SPINK5: variants seen among roughly 807,000 people sequenced by gnomAD.
SPINK5 encodes the protein serine peptidase inhibitor Kazal type 5.
A neutral mutation model predicts 151.8 loss-of-function variants in SPINK5; 125 were observed. The observed-to-expected ratio is 0.82, with a 90% CI of 0.71 to 0.96. The LOEUF is 0.96. SPINK5 is among the 40% of genes least tolerant of loss of function. The pLI is 0.00. For synonymous variants in SPINK5, 374 were observed against 395.3 expected (o/e 0.95, Z 0.64); for missense variants, 1,194 against 1,291.9 (o/e 0.92, Z 1.16).
At chr5:148,104,768 T>C (rs1477699264) in intron 15 of SPINK5, among the ~76,000 whole-genome samples, 184 bp from the exon 16 acceptor site, 1 of 152,068 alleles carries the variant, frequency 6.6e-6, no homozygotes, top group African/African-American at 2.4e-5. Flanking sequence ...TGGTGGCATG[T>C]GCCTGTAATC....
intron 15 of SPINK5, among the ~76,000 whole-genome samples, chr5:148,103,927 G>A (rs552280197): frequency 5.9e-5 from 9 of 152,170 alleles, no homozygotes; most frequent in African/African-American, 2.2e-4. Context: ...ATCCAATTAT[G>A]CTGTAGATCC....
At chr5:148,125,886 A>C in intron 29 of SPINK5, 36 bp downstream of exon 29, 1 of 1,614,104 alleles carries the variant, frequency 6.2e-7, no homozygotes, top group South Asian at 1.1e-5. Flanking sequence ...TGTAGCTAGC[A>C]GGGGAACTGC....
chr5:148,111,377 T>C (rs1384096489), intron 18 of SPINK5, among the ~76,000 whole-genome samples: 1 of 152,228 alleles, frequency 6.6e-6, no homozygotes, highest in Non-Finnish European at 1.5e-5. Flanking sequence ...AACTTAATTA[T>C]ATCTGAAAAG....
At chr5:148,092,118 G>C (rs1276313088) in intron 8 of SPINK5, among the ~76,000 whole-genome samples, 1 of 151,804 alleles carries the variant, frequency 6.6e-6, no homozygotes, top group Admixed American at 6.6e-5. Flanking sequence ...CCTTCCTGTT[G>C]GACTGTGATT....
intron 26 of SPINK5, among the ~76,000 whole-genome samples, chr5:148,123,511 CAATATATGTGTATATATATA>C (rs1395136169): frequency 1.9e-5 from 1 of 53,468 alleles, no homozygotes; most frequent in Non-Finnish European, 3.7e-5. Context: ...TGCAGTGGTG[CAATATATGTGTATATATATA>C]TATATATATA....
At chr5:148,083,141 TTTCTTG>T (rs1307561680) in intron 4 of SPINK5, among the ~76,000 whole-genome samples, 5 of 151,616 alleles carry the variant, frequency 3.3e-5, no homozygotes, top group South Asian at 4.2e-4. Context: ...ATTGTTATAC[TTTCTTG>T]TTCTTGTTCT....
At chr5:148,124,041 G>C in intron 27 of SPINK5, 81 bp downstream of exon 27, 1 of 1,507,546 alleles carries the variant, frequency 6.6e-7, no homozygotes, top group Non-Finnish European at 9.1e-7. Context: ...TAAAACCTAA[G>C]ATACTTGGCA....
Position 148,095,850 on chromosome 5 carries a change from C to G in SPINK5, c.827C>G (p.Thr276Arg), listed in dbSNP as rs766287346. The change falls in exon 10 of 33, where the codon ACA becomes AGA. Residue 276 changes from threonine (T) to arginine (R), a missense_variant. Thr to Arg is a moderately conservative substitution (Grantham distance 71, BLOSUM62 -1). Transcript: ENST00000256084. ...KQRFSEENSK[T>R]DQNLGKAEEK... Reference sequence around the variant, plus strand: ...CGTTTTTCAGAGGAAAACAGTAAAACAGATCAAAATTTGGGAAAAGCTGAA... The same window carrying G: ...CGTTTTTCAGAGGAAAACAGTAAAAGAGATCAAAATTTGGGAAAAGCTGAA... The G allele has an allele frequency of 6.2e-7, 1 of 1,612,114 alleles. No homozygotes were observed. The highest frequency in any genetic ancestry group is 8.5e-7 in the Non-Finnish European group (1 of 1,178,900).
chr5:148,131,531 T>C lies in SPINK5; in HGVS notation c.3095+142T>C, dbSNP rs138131611. The C allele has an allele frequency of 4.4e-4, 530 of 1,202,594 alleles. 1 individual carries two copies. The African/African-American group carries it at 6.9e-3, about 16-fold the overall frequency. 74.5% of individuals were successfully genotyped at this position (1,202,594 alleles called of 1,614,324 possible). A position where few individuals can be genotyped will look rare whatever the true frequency, so the allele number is the denominator to read the frequency against. On this transcript the variant is annotated intron_variant, in intron 31 of 32. Transcript: ENST00000256084. ...ATAGAAGTTAAAAATTCAAAATTTGTGAATTATCTTTCTTATATGTAAAAT... is the reference window on the plus strand; with the variant it reads ...ATAGAAGTTAAAAATTCAAAATTTGCGAATTATCTTTCTTATATGTAAAAT...
chr5:148,116,674 CAATATGT>C (rs933708925), intron 22 of SPINK5, among the ~76,000 whole-genome samples: 9 of 152,284 alleles, frequency 5.9e-5, no homozygotes, highest in African/African-American at 2.2e-4. Context: ...AAATAATTAA[CAATATGT>C]AATGACCTTA....
At chr5:148,072,241 C>T (rs771308237) in intron 4 of SPINK5, 21 bp downstream of exon 4, 5 of 1,609,260 alleles carry the variant, frequency 3.1e-6, no homozygotes, top group Admixed American at 3.3e-5. Context: ...TTGGAGCCAA[C>T]CTGTTTACTT....
intron 30 of SPINK5, among the ~76,000 whole-genome samples, chr5:148,128,722 A>C (rs1754497713): frequency 6.6e-6 from 1 of 151,990 alleles, no homozygotes; most frequent in African/African-American, 2.4e-5. Context: ...ACGGGGTTTC[A>C]CTGTGTTAGC....
chr5:148,066,123 G>A (rs1023999154), intron 2 of SPINK5, among the ~76,000 whole-genome samples: 3 of 152,276 alleles, frequency 2.0e-5, no homozygotes, highest in South Asian at 2.1e-4. Context: ...AATGAACCAC[G>A]AAGGTATTTG....
intron 32 of SPINK5, 48 bp from the exon 33 acceptor site, chr5:148,136,935 G>A: frequency 1.2e-6 from 2 of 1,611,764 alleles, no homozygotes; most frequent in Non-Finnish European, 1.7e-6. Context: ...CCACATTTCT[G>A]CAATATCTCT....
intron 4 of SPINK5, among the ~76,000 whole-genome samples, chr5:148,078,499 G>A (rs1752940156): frequency 1.3e-5 from 2 of 150,924 alleles, no homozygotes; most frequent in South Asian, 4.1e-4. Flanking sequence ...TTATTTTAAA[G>A]CAACAGAGGA....
intron 6 of SPINK5, 55 bp from the exon 7 acceptor site, chr5:148,089,439 G>C (rs1753248837): frequency 1.2e-6 from 2 of 1,609,956 alleles, no homozygotes; most frequent in Non-Finnish European, 1.7e-6. Flanking sequence ...TCTGAAAACA[G>C]TGTTGTCAGC....
At chr5:148,114,225 A>AC (rs1447675085) in intron 20 of SPINK5, 137 bp from the exon 21 acceptor site, 9 of 974,650 alleles carry the variant, frequency 9.2e-6, no homozygotes, top group Non-Finnish European at 1.1e-5. Flanking sequence ...TATAAATTGA[A>AC]CACTATAACT....
At chr5:148,070,640 T>C (rs1450090230) in intron 3 of SPINK5, among the ~76,000 whole-genome samples, 190 bp downstream of exon 3, 2 of 152,112 alleles carry the variant, frequency 1.3e-5, no homozygotes, top group Non-Finnish European at 2.9e-5. Flanking sequence ...GGAAAGATTT[T>C]AATAATCACT....
chr5:148,100,038 C>G (rs1019254120), intron 12 of SPINK5, among the ~76,000 whole-genome samples: 3 of 152,016 alleles, frequency 2.0e-5, no homozygotes, highest in Non-Finnish European at 4.4e-5. Flanking sequence ...TTTTCATAAA[C>G]CTGTGTGCGT....
Sources: allele counts gnomAD v4.1 joint callset (sites outside exome capture counted in the v4.1 genomes callset), GRCh38; gene constraint gnomAD v4.1.1; transcripts MANE v1.5; gene names NCBI Gene and HGNC (gene_info 2026-07-23, HGNC 2026-07-21).